SLC28A1: variants seen among roughly 807,000 people sequenced by gnomAD.
SLC28A1 encodes sodium/nucleoside cotransporter 1.
A neutral mutation model predicts 74.8 loss-of-function variants in SLC28A1; 64 were observed. That is an observed-to-expected ratio of 0.86 (90% CI 0.70 to 1.05). The LOEUF is 1.05. Among genes scored for constraint, SLC28A1 ranks in the 50% least tolerant of loss-of-function variants. The pLI is 0.00. For missense variants in SLC28A1, 828 were observed against 822.8 expected (o/e 1.01, Z -0.08); for synonymous variants, 359 against 335.0 (o/e 1.07, Z -0.78).
chr15:84,913,899 G>A (rs1047057353), intron 9 of SLC28A1, among the ~76,000 whole-genome samples: 1 of 152,190 alleles, frequency 6.6e-6, no homozygotes, highest in African/African-American at 2.4e-5. Context: ...GGTCGTCTGT[G>A]TCCTCACATG....
the SLC28A1 span, among the ~76,000 whole-genome samples, chr15:84,955,949 A>G: frequency 2.0e-5 from 3 of 152,220 alleles, no homozygotes; most frequent in East Asian, 3.9e-4. Context: ...TTCCCTCTCC[A>G]CATTTCCTTT....
At chr15:84,902,537 G>A (rs12907945) in intron 6 of SLC28A1, among the ~76,000 whole-genome samples, 15,810 of 151,922 alleles carry the variant, frequency 0.1, 1,063 homozygotes, top group Non-Finnish European at 0.13. Context: ...TGTTACCTGG[G>A]AACGGGGAGG....
chr15:84,907,954 G>A (rs1323277374), intron 8 of SLC28A1, among the ~76,000 whole-genome samples: 1 of 152,102 alleles, frequency 6.6e-6, no homozygotes, highest in Non-Finnish European at 1.5e-5. Context: ...TGCTGCCCCT[G>A]CAGTCACATT....
chr15:84,905,111 C>T (rs1245496776), intron 7 of SLC28A1, among the ~76,000 whole-genome samples: 3 of 152,228 alleles, frequency 2.0e-5, no homozygotes, highest in South Asian at 4.2e-4. Context: ...GGGGTCGAGG[C>T]GGCTGGGAGT....
the SLC28A1 span, among the ~76,000 whole-genome samples, chr15:84,971,335 G>A: frequency 6.6e-6 from 1 of 152,164 alleles, no homozygotes; most frequent in Non-Finnish European, 1.5e-5. Flanking sequence ...TGTTGGAGGT[G>A]GGACTGAAAA....
At chr15:84,948,419 T>C (rs1404152967), downstream of SLC28A1, among the ~76,000 whole-genome samples, 1 of 152,206 alleles carries the variant, frequency 6.6e-6, no homozygotes, top group East Asian at 1.9e-4. Flanking sequence ...GTTTGAGTCA[T>C]GAGACTCCAT....
At chr15:84,895,530 A>T (rs1165408267) in intron 6 of SLC28A1, 1 of 1,557,524 alleles carries the variant, frequency 6.4e-7, no homozygotes, top group Non-Finnish European at 8.7e-7. Context: ...ATTAGCCTCC[A>T]GGGGATTCTG....
At chr15:84,961,675 A>T in the SLC28A1 span, 2 of 337,706 alleles carry the variant, frequency 5.9e-6, no homozygotes, top group East Asian at 9.0e-5. Flanking sequence ...AGACACTAAG[A>T]TTCCGAGACT....
At chr15:84,922,624 C>A (rs1456703170) in intron 11 of SLC28A1, among the ~76,000 whole-genome samples, 3 of 152,170 alleles carry the variant, frequency 2.0e-5, no homozygotes, top group African/African-American at 7.2e-5. Flanking sequence ...CCCGAGTGAC[C>A]CTTCAAACAC....
At position 84,895,608 on chromosome 15, in the gene SLC28A1, C is replaced by G. The variant is rs73438002; in HGVS notation, c.461+485C>G. ...GCTTTTCAAACTGGATTCCTTGGAG[C>G]GCTGGAAATCTCAGCGATGTCACAG... On this transcript the variant is annotated intron_variant, in intron 6 of 18. Coordinates refer to ENST00000394573, the MANE Select transcript of SLC28A1 (RefSeq NM_004213.5). The G allele has an allele frequency of 1.9e-3, 2,878 of 1,487,276 alleles. 59 individuals are homozygous for G. The African/African-American group carries it at 0.037, about 19-fold the overall frequency. 92.1% of individuals were successfully genotyped at this position (1,487,276 alleles called of 1,614,324 possible).
chr15:84,962,082 A>G, the SLC28A1 span, among the ~76,000 whole-genome samples: 1 of 151,836 alleles, frequency 6.6e-6, no homozygotes, highest in Non-Finnish European at 1.5e-5. Context: ...TAAATTTCTT[A>G]ATTATTTTTA....
chr15:84,920,901 G>A (rs1562883), intron 10 of SLC28A1, 88 bp from the exon 11 acceptor site: 2 of 1,028,506 alleles, frequency 1.9e-6, no homozygotes, highest in South Asian at 1.3e-5. Flanking sequence ...GAGTTGGGAG[G>A]AAACTGTGTA....
Position 84,935,034 on chromosome 15 carries a change from A to G in SLC28A1, c.1223A>G (p.Gln408Arg), listed in dbSNP as rs796818544. The stretch of plus-strand genomic sequence containing the variant: ...CTTGATCCCAACAACAGAGATGCTC[A>G]GAACCTCATAGAAGCAGCCAGCACT... ...EGVKLTYGDA[Q>R]NLIEAASTGA... Residue 408 changes from glutamine (Q) to arginine (R), a missense_variant, in exon 14 of 19, where the codon CAG becomes CGG. Transcript: ENST00000394573. The G allele has an allele frequency of 2.5e-6, 4 of 1,613,924 alleles. No homozygotes were observed. The African/African-American group carries it at 5.3e-5, about 22-fold the overall frequency.
chr15:84,928,606 TCTTTC>T (rs1567172774), intron 12 of SLC28A1, among the ~76,000 whole-genome samples: 1 of 42,458 alleles, frequency 2.4e-5, no homozygotes, highest in Non-Finnish European at 4.3e-5. Flanking sequence ...TTCTTTCTTT[TCTTTC>T]TTTCTTTTCT....
chr15:84,965,841 A>G, the SLC28A1 span, among the ~76,000 whole-genome samples: 2 of 148,978 alleles, frequency 1.3e-5, no homozygotes, highest in Admixed American at 1.4e-4. Context: ...GTGGAGCCCC[A>G]AGTGGAAGCC....
intron 8 of SLC28A1, among the ~76,000 whole-genome samples, chr15:84,906,577 C>CTCTTTCTTT (rs1567140848): frequency 5.2e-4 from 17 of 32,424 alleles, no homozygotes; most frequent in African/African-American, 1.7e-3. Flanking sequence ...TTTCTTTCTT[C>CTCTTTCTTT]CTTCCTTCCT....
At chr15:84,955,002 C>A in the SLC28A1 span, among the ~76,000 whole-genome samples, 281 of 152,314 alleles carry the variant, frequency 1.8e-3, no homozygotes, top group Middle Eastern at 0.017. Context: ...TCTTAGCACT[C>A]TGACCCACCA....
rs199525878 is a variant in SLC28A1 at position 84,912,806 on chromosome 15, G to GCA, written c.795+4052_795+4053dup. 7.6e-3 allele frequency among the ~76,000 whole-genome samples: 855 copies of GCA among 112,216 alleles called. 10 individuals are homozygous for GCA. The highest frequency in any genetic ancestry group is 0.024 in the African/African-American group (721 of 29,950). The allele number at this position is 112,216 out of a possible 152,430, so 73.6% of individuals were successfully genotyped here. ...CAACAGTGCCAAATTTTGCGCGCGC[G>GCA]CACACACACACACACACACACACAC... On this transcript the variant is annotated intron_variant, in intron 9 of 18. Coordinates refer to ENST00000394573, the MANE Select transcript of SLC28A1 (RefSeq NM_004213.5).
At chr15:84,946,666 C>G (rs1471174646), downstream of SLC28A1, among the ~76,000 whole-genome samples, 2 of 152,128 alleles carry the variant, frequency 1.3e-5, no homozygotes, top group Non-Finnish European at 2.9e-5. Flanking sequence ...TGTGGGGCCT[C>G]TCTGTTGGGC....
Sources: gnomAD v4.1 joint callset for allele counts (sites outside exome capture counted in the v4.1 genomes callset) on GRCh38, gnomAD v4.1.1 for gene constraint, MANE v1.5 for transcripts, NCBI Gene and HGNC (gene_info 2026-07-23, HGNC 2026-07-21) for gene names.